The following RANBP9 variants were observed in gnomAD, a reference collection of about 807,000 sequenced individuals.
RANBP9 encodes the protein RAN binding protein 9, also known as ran-binding protein 9.
In RANBP9, 15 loss-of-function variants were observed where a neutral mutation model predicts 84.3. The observed-to-expected ratio is 0.18, with a 90% CI of 0.12 to 0.27. RANBP9 has a LOEUF of 0.27. Among genes scored for constraint, RANBP9 ranks in the 10% least tolerant of loss-of-function variants. RANBP9 has a pLI of 1.00. For synonymous variants in RANBP9, 392 were observed against 349.6 expected, an observed-to-expected ratio of 1.12 and a Z score of -1.35; for missense variants, 809 against 912.8, an observed-to-expected ratio of 0.89 and a Z score of 1.46.
rs1022133967 is a variant in RANBP9, at chr6:13,711,730, C to A, written c.-225G>T. On this transcript the variant is annotated 5_prime_UTR_variant, in exon 1 of 14. Transcript: ENST00000011619. ...CCGGGAGAGAACGTTGGCCGGAGCG[C>A]GGGCGCGCGGCCCGGGGACGAGGCG... 6.7e-6 allele frequency among the ~76,000 whole-genome samples: 1 copy of A among 148,188 alleles called. No individual in the cohort carries two copies. The highest frequency in any genetic ancestry group is 2.4e-5 in the African/African-American group (1 of 40,838).
At chr6:13,659,202 A>G (rs1377880170) in intron 2 of RANBP9, among the ~76,000 whole-genome samples, 1 of 151,914 alleles carries the variant, frequency 6.6e-6, no homozygotes, top group East Asian at 1.9e-4. Flanking sequence ...TGTTAAGGAA[A>G]CAAATGTGTT....
rs951091641 is a variant in RANBP9 at position 13,621,525 on chromosome 6, G to T, written c.*837C>A. 1 of 152,538 alleles carries T rather than the reference G, an allele frequency of 6.6e-6. No homozygotes were observed. The highest frequency in any genetic ancestry group is 2.4e-5 in the African/African-American group (1 of 41,402). 9.4% of individuals were successfully genotyped at this position (152,538 alleles called of 1,614,324 possible). A position where few individuals can be genotyped will look rare whatever the true frequency, so the allele number is the denominator to read the frequency against. On this transcript the variant is annotated 3_prime_UTR_variant, in exon 14 of 14. Transcript: ENST00000011619. ...TGTAGAAGTAAATTTTTAATGGCTG[G>T]TTAATTATATCACTACATTTTATTG... is the stretch of plus-strand genomic sequence containing the variant.
At chr6:13,685,098 T>A (rs1455125593) in intron 2 of RANBP9, among the ~76,000 whole-genome samples, 1 of 152,208 alleles carries the variant, frequency 6.6e-6, no homozygotes, top group Non-Finnish European at 1.5e-5. Flanking sequence ...AATTTGGCCA[T>A]GTGCATCATA....
intron 12 of RANBP9, among the ~76,000 whole-genome samples, chr6:13,629,358 AT>A (rs1316352464): frequency 6.6e-6 from 1 of 152,242 alleles, no homozygotes; most frequent in Non-Finnish European, 1.5e-5. Context: ...AGAATACAAA[AT>A]AGTGTCACTA....
chr6:13,711,293 A>G lies in RANBP9; in HGVS notation c.213T>C (p.Pro71=), dbSNP rs928097801. The G allele has an allele frequency of 3.0e-6, 3 of 999,174 alleles. No individual in the cohort carries two copies. The highest frequency in any genetic ancestry group is 1.2e-4 in the Admixed American group (2 of 16,376). The allele number at this position is 999,174 out of a possible 1,614,324, so 61.9% of individuals were successfully genotyped here. ...CGGTGGCCGGGGGCGGCGGCGGCGGAGGGTGGAGGAGCAGGGCGGCCGCCG... is the reference window on the plus strand; with the variant it reads ...CGGTGGCCGGGGGCGGCGGCGGCGGGGGGTGGAGGAGCAGGGCGGCCGCCG... ...GAAAAALLLH[P]PPPPPPATAA... The change falls in exon 1 of 14, where the codon CCT becomes CCC. Residue 71 remains proline, a synonymous_variant. Transcript: ENST00000011619.
intron 2 of RANBP9, among the ~76,000 whole-genome samples, chr6:13,669,478 A>G (rs997570356): frequency 1.2e-4 from 18 of 152,334 alleles, no homozygotes; most frequent in African/African-American, 4.3e-4. Context: ...TTAAAACTCA[A>G]TAAAAAGCTA....
chr6:13,683,318 T>C (rs559267745), intron 2 of RANBP9, among the ~76,000 whole-genome samples: 34 of 152,312 alleles, frequency 2.2e-4, no homozygotes, highest in African/African-American at 7.7e-4. Flanking sequence ...ATAAATAGAA[T>C]GGTTATAAAC....
intron 2 of RANBP9, among the ~76,000 whole-genome samples, chr6:13,691,512 A>G: frequency 6.6e-6 from 1 of 152,188 alleles, no homozygotes; most frequent in Non-Finnish European, 1.5e-5. Flanking sequence ...ATACATTAAC[A>G]CCAGTTCTTT....
Position 13,696,900 on chromosome 6 carries a change from C to T in RANBP9, c.572-4G>A, listed in dbSNP as rs1757842515. On this transcript the variant is annotated splice_region_variant and splice_polypyrimidine_tract_variant and intron_variant, in intron 1 of 13. Transcript: ENST00000011619. ...TCTTTTGGGGTTTTGCCATGACCTG[C>T]ATAGAAACAGGAAGGAAAAAAGAAG... is the stretch of plus-strand genomic sequence containing the variant. 5 of 1,604,408 alleles carry T rather than the reference C, an allele frequency of 3.1e-6. No homozygotes were observed. Among genetic ancestry groups the T allele is most frequent in the African/African-American group, 2.7e-5 (2 of 74,670 alleles).
chr6:13,665,594 G>A (rs1350181085), intron 2 of RANBP9, among the ~76,000 whole-genome samples: 1 of 152,104 alleles, frequency 6.6e-6, no homozygotes, highest in Non-Finnish European at 1.5e-5. Context: ...TCATAGGACT[G>A]AACACCTGCC....
intron 3 of RANBP9, 65 bp downstream of exon 3, chr6:13,658,715 T>G (rs1765466431): frequency 7.8e-7 from 1 of 1,288,100 alleles, no homozygotes; most frequent in African/African-American, 1.5e-5. Context: ...AATTTCTTAC[T>G]TGAAAAATTT....
In RANBP9 at chr6:13,711,318, G is replaced by A. The variant is rs1758275785; in HGVS notation, c.188C>T (p.Ala63Val). 9 of 1,078,984 alleles carry A rather than the reference G, an allele frequency of 8.3e-6. No homozygotes were observed. The East Asian group carries it at 4.1e-4, about 50-fold the overall frequency. 66.8% of individuals were successfully genotyped at this position (1,078,984 alleles called of 1,614,324 possible). A position where few individuals can be genotyped will look rare whatever the true frequency, so the allele number is the denominator to read the frequency against. ...GGAGGEGLGA[A>V]AAALLLHPPP... ...AGGGTGGAGGAGCAGGGCGGCCGCC[G>A]CGGCCCCTAAGCCTTCGCCGCCCGC... The change falls in exon 1 of 14, where the codon GCG becomes GTG. Residue 63 changes from alanine (A) to valine (V), a missense_variant. Physicochemically the swap from Ala to Val is moderately conservative, Grantham distance 64 (BLOSUM62 0). This residue lies in a region of RANBP9 where 302 missense variants were observed against 240.1 expected (regional missense o/e 1.26). Transcript: ENST00000011619.
intron 2 of RANBP9, among the ~76,000 whole-genome samples, chr6:13,659,257 T>TACATACACACATAC (rs759705290): frequency 3.8e-5 from 5 of 130,558 alleles, no homozygotes; most frequent in African/African-American, 1.4e-4. Context: ...CACACACACA[T>TACATACACACATAC]ACACACACAC....
At chr6:13,704,346 GGCCAGGTACAGT>G (rs1410564056) in intron 1 of RANBP9, among the ~76,000 whole-genome samples, 1 of 152,046 alleles carries the variant, frequency 6.6e-6, no homozygotes, top group Admixed American at 6.5e-5. Flanking sequence ...CTCCTAACTG[GGCCAGGTACAGT>G]GGCTCCTGCC....
At chr6:13,669,618 A>C (rs1294178098) in intron 2 of RANBP9, among the ~76,000 whole-genome samples, 1 of 152,194 alleles carries the variant, frequency 6.6e-6, no homozygotes, top group African/African-American at 2.4e-5. Flanking sequence ...GCGACAAGTA[A>C]GGTCTCACTT....
chr6:13,709,491 A>C (rs934562790), intron 1 of RANBP9, among the ~76,000 whole-genome samples: 2 of 152,242 alleles, frequency 1.3e-5, no homozygotes, highest in Non-Finnish European at 2.9e-5. Flanking sequence ...TCAGAAGTAA[A>C]CACCTCATAA....
At chr6:13,649,261 T>C (rs996034047) in intron 5 of RANBP9, among the ~76,000 whole-genome samples, 3 of 152,050 alleles carry the variant, frequency 2.0e-5, no homozygotes, top group South Asian at 2.1e-4. Context: ...ACTGTACCCA[T>C]TGTTACAACA....
chr6:13,661,331 G>A (rs1765534749), intron 2 of RANBP9, among the ~76,000 whole-genome samples: 1 of 152,096 alleles, frequency 6.6e-6, no homozygotes, highest in Non-Finnish European at 1.5e-5. Flanking sequence ...TGGGAGGAAT[G>A]AATTGAAAAT....
At chr6:13,666,079 A>G (rs1765637221) in intron 2 of RANBP9, among the ~76,000 whole-genome samples, 1 of 152,128 alleles carries the variant, frequency 6.6e-6, no homozygotes, top group Admixed American at 6.5e-5. Flanking sequence ...AAACTTATCA[A>G]AGAGTACACT....
Sources: allele counts gnomAD v4.1 joint callset (sites outside exome capture counted in the v4.1 genomes callset), GRCh38; gene constraint gnomAD v4.1.1; regional missense constraint gnomAD v4.1.1; transcripts MANE v1.5; gene names NCBI Gene and HGNC (gene_info 2026-07-23, HGNC 2026-07-21).